Variants in BTBD3 observed in about 807,000 individuals in gnomAD.
BTBD3 encodes BTB/POZ domain-containing protein 3.
Under a neutral mutation model 41.6 loss-of-function variants are expected in BTBD3, and 14 were observed. The ratio of observed to expected loss-of-function variants is 0.34; its 90% confidence interval spans 0.22 to 0.53. The LOEUF is 0.53. Ranked by LOEUF, BTBD3 falls within the 20% of genes least tolerant of loss-of-function variation. BTBD3 has a pLI of 0.95. For synonymous variants in BTBD3, 249 were observed against 233.7 expected, an observed-to-expected ratio of 1.07 and a Z score of -0.60; for missense variants, 426 against 654.7, an observed-to-expected ratio of 0.65 and a Z score of 3.81.
exon 1 of BTBD3, chr20:11,890,863 G>A (rs1380495645): frequency 4.1e-6 from 4 of 985,130 alleles, no homozygotes; most frequent in Non-Finnish European, 4.8e-6. Flanking sequence ...CCGGGCGCTG[G>A]ATCTCCGAGT....
chr20:11,924,444 A>G lies in BTBD3; in HGVS notation c.*778A>G, dbSNP rs1306210134. On this transcript the variant is annotated 3_prime_UTR_variant, in exon 4 of 4. Transcript: ENST00000378226. ...TAAACTCCTACTAATTTAAACTAAG[A>G]CAGTTTAAAAAGGAAGCCTGAAAAA... The G allele has an allele frequency of 1.3e-5, 2 of 152,442 alleles. No individual in the cohort carries two copies. The highest frequency in any genetic ancestry group is 1.3e-4 in the Admixed American group (2 of 15,274). 9.4% of individuals were successfully genotyped at this position (152,442 alleles called of 1,614,324 possible).
Position 11,922,087 on chromosome 20 carries a change from C to A in BTBD3, c.537-547C>A, listed in dbSNP as rs575769562. 9.2e-5 allele frequency among the ~76,000 whole-genome samples: 14 copies of A among 152,284 alleles called. No individual in the cohort carries two copies. In the East Asian group the frequency reaches 2.7e-3, roughly 29 times the overall value. ...TAAAAAACAAAAACAAATAAAAAGTCTGTTGGATTCTATGTAAAGTTAACT... is the reference window on the plus strand; with the variant it reads ...TAAAAAACAAAAACAAATAAAAAGTATGTTGGATTCTATGTAAAGTTAACT... On this transcript the variant is annotated intron_variant, in intron 3 of 3. Coordinates refer to ENST00000378226, the MANE Select transcript of BTBD3 (RefSeq NM_014962.4).
rs1368136578 is a variant in BTBD3 at position 11,918,135 on chromosome 20, G to T, written c.-141G>T. On this transcript the variant is annotated 5_prime_UTR_variant, in exon 1 of 4. In the 5' UTR this introduces an upstream ATG that the reference lacks. Coordinates refer to ENST00000378226, the MANE Select transcript of BTBD3 (RefSeq NM_014962.4). ...CAGTTTCTATTCAACATAGTGAAAA[G>T]GTCACCTTGCCTGGCTGAGAAAAGC... 2.7e-6 allele frequency: 4 copies of T among 1,479,716 alleles called. No individual in the cohort carries two copies. The highest frequency in any genetic ancestry group is 3.5e-6 in the Non-Finnish European group (4 of 1,127,116). 91.7% of individuals were successfully genotyped at this position (1,479,716 alleles called of 1,614,324 possible). A position where few individuals can be genotyped will look rare whatever the true frequency, so the allele number is the denominator to read the frequency against.
At chr20:11,896,901 A>G (rs1440247287) in intron 1 of BTBD3, among the ~76,000 whole-genome samples, 1 of 152,212 alleles carries the variant, frequency 6.6e-6, no homozygotes, top group African/African-American at 2.4e-5. Flanking sequence ...GGTATAGGAG[A>G]TGTCACTAGG....
intron 1 of BTBD3, chr20:11,891,037 T>A: frequency 3.3e-6 from 3 of 913,784 alleles, no homozygotes; most frequent in Non-Finnish European, 3.9e-6. Flanking sequence ...GCGCGCGCCC[T>A]GCGGCCGGCC....
chr20:11,923,974 C>T lies in BTBD3; in HGVS notation c.*308C>T, dbSNP rs1600250711. On this transcript the variant is annotated 3_prime_UTR_variant, in exon 4 of 4. Coordinates refer to ENST00000378226, the MANE Select transcript of BTBD3 (RefSeq NM_014962.4). The surrounding 1 kb of genome is among the most constrained non-coding windows in gnomAD (Gnocchi z 5.3). Reference sequence around the variant, plus strand: ...CCACCACCCTCTCAGTTTTGTCCCTCTGAAGATAATTTTGGATCACCTTGA... The same window carrying T: ...CCACCACCCTCTCAGTTTTGTCCCTTTGAAGATAATTTTGGATCACCTTGA... 1 of 257,016 alleles carries T rather than the reference C, an allele frequency of 3.9e-6. No homozygotes were observed. The highest frequency in any genetic ancestry group is 7.4e-6 in the Non-Finnish European group (1 of 135,610). 15.9% of individuals were successfully genotyped at this position (257,016 alleles called of 1,614,324 possible).
At chr20:11,900,831 C>G (rs1315118068) in intron 1 of BTBD3, among the ~76,000 whole-genome samples, 1 of 151,872 alleles carries the variant, frequency 6.6e-6, no homozygotes, top group Non-Finnish European at 1.5e-5. Flanking sequence ...CCTCAGCCTC[C>G]CGAGTAGCTG....
chr20:11,923,009 G>A lies in BTBD3; in HGVS notation c.912G>A (p.Leu304=). 1 of 1,614,192 alleles carries A rather than the reference G, an allele frequency of 6.2e-7. No homozygotes were observed. Among genetic ancestry groups the A allele is most frequent in the South Asian group, 1.1e-5 (1 of 91,080 alleles). Residue 304 remains leucine, a synonymous_variant, in exon 4 of 4, where the codon TTG becomes TTA. Transcript: ENST00000378226. The surrounding 1 kb of genome is among the most constrained non-coding windows in gnomAD (Gnocchi z 5.3). The part of the protein sequence containing the change: ...EVECQRQDLA[L]SIENKRKVLG... ...AATGCCAACGACAAGATCTGGCGTTGAGCATTGAAAATAAACGCAAGGTTC... is the reference window on the plus strand; with the variant it reads ...AATGCCAACGACAAGATCTGGCGTTAAGCATTGAAAATAAACGCAAGGTTC...
intron 3 of BTBD3, among the ~76,000 whole-genome samples, chr20:11,920,989 A>G (rs2056965693): frequency 6.6e-6 from 1 of 152,238 alleles, no homozygotes; most frequent in African/African-American, 2.4e-5. Flanking sequence ...GCAAGTGAGC[A>G]TGTGAAGTAC....
At chr20:11,913,726 C>G (rs1309936500), upstream of BTBD3, 1 of 152,158 alleles carries the variant, frequency 6.6e-6, no homozygotes, top group Admixed American at 6.5e-5. Flanking sequence ...CGTTCAGTTT[C>G]AAACCTCATT....
At chr20:11,918,641 T>A (rs747316328) in intron 1 of BTBD3, 40 bp downstream of exon 1, 1 of 1,519,982 alleles carries the variant, frequency 6.6e-7, no homozygotes, top group Non-Finnish European at 8.8e-7. Flanking sequence ...AAAGTTTTCC[T>A]GTGTTGAAGT....
chr20:11,925,470 C>T lies in BTBD3; in HGVS notation c.*1804C>T. 6.6e-6 allele frequency: 1 copy of T among 152,642 alleles called. No homozygotes were observed. The highest frequency in any genetic ancestry group is 1.9e-4 in the East Asian group (1 of 5,202). The allele number at this position is 152,642 out of a possible 1,614,324, so 9.5% of individuals were successfully genotyped here. On this transcript the variant is annotated 3_prime_UTR_variant, in exon 4 of 4. Transcript: ENST00000378226. Reference sequence around the variant, plus strand: ...TAATCACTCTTGCCATTACCTACATCTATTAGCATAGATGATGAAAAGCTG... The same window carrying T: ...TAATCACTCTTGCCATTACCTACATTTATTAGCATAGATGATGAAAAGCTG...
At chr20:11,908,347 G>C (rs1163297270) in intron 1 of BTBD3, among the ~76,000 whole-genome samples, 1 of 19,620 alleles carries the variant, frequency 5.1e-5, no homozygotes, top group Non-Finnish European at 1.5e-4. Flanking sequence ...TTTAAATAAG[G>C]TACTGACAGT....
intron 1 of BTBD3, among the ~76,000 whole-genome samples, chr20:11,892,211 A>G (rs2056759260): frequency 6.6e-6 from 1 of 152,196 alleles, no homozygotes. Context: ...TCTAGCACTC[A>G]AAACAATTGT....
chr20:11,914,808 C>G (rs1356712370), upstream of BTBD3, among the ~76,000 whole-genome samples: 1 of 151,922 alleles, frequency 6.6e-6, no homozygotes, highest in Non-Finnish European at 1.5e-5. Context: ...TCATAACATG[C>G]TAAGAGTAGG....
chr20:11,905,046 T>G (rs1261643363), intron 1 of BTBD3, among the ~76,000 whole-genome samples: 2 of 152,254 alleles, frequency 1.3e-5, no homozygotes, highest in African/African-American at 2.4e-5. Context: ...GTTCATTTAA[T>G]ATCACTGCTC....
rs2057012886 is a variant in BTBD3, at chr20:11,925,727, C to A, written c.*2061C>A. ...TTATAAGAAGGCACTTGTTTGTAAG[C>A]CAGAGAAGAAACTTTAATTGCATCC... On this transcript the variant is annotated 3_prime_UTR_variant, in exon 4 of 4. Transcript: ENST00000378226. 1 of 152,494 alleles carries A rather than the reference C, an allele frequency of 6.6e-6. No individual in the cohort carries two copies. Among genetic ancestry groups the A allele is most frequent in the Non-Finnish European group, 1.5e-5 (1 of 68,016 alleles). 9.4% of individuals were successfully genotyped at this position (152,494 alleles called of 1,614,324 possible). A position where few individuals can be genotyped will look rare whatever the true frequency, so the allele number is the denominator to read the frequency against.
upstream of BTBD3, among the ~76,000 whole-genome samples, chr20:11,915,011 A>G (rs1454836244): frequency 6.6e-6 from 1 of 152,210 alleles, no homozygotes; most frequent in Non-Finnish European, 1.5e-5. Context: ...TGATTTGTTC[A>G]AATACTCGCC....
intron 1 of BTBD3, among the ~76,000 whole-genome samples, chr20:11,894,668 A>C (rs2056776068): frequency 6.7e-6 from 1 of 150,166 alleles, no homozygotes; most frequent in African/African-American, 2.4e-5. Context: ...ACAGGCCATT[A>C]TTTCTTTCAC....
Sources: allele counts gnomAD v4.1 joint callset (sites outside exome capture counted in the v4.1 genomes callset), GRCh38; gene constraint gnomAD v4.1.1; non-coding constraint Gnocchi (gnomAD v3.1); transcripts MANE v1.5; gene names NCBI Gene and HGNC (gene_info 2026-07-23, HGNC 2026-07-21).